The following MS4A4E variants were observed in gnomAD, a reference collection of about 807,000 sequenced individuals.
The protein encoded by MS4A4E is membrane spanning 4-domains A4E.
A neutral mutation model predicts 13.3 loss-of-function variants in MS4A4E; 23 were observed. The ratio of observed to expected loss-of-function variants is 1.73; its 90% CI spans 1.25 to 2.45. The LOEUF is 2.45. MS4A4E is among the 30% of genes most tolerant of loss of function. The pLI is 0.00. For synonymous variants in MS4A4E, 36 were observed against 45.6 expected (o/e 0.79, Z 0.85); for missense variants, 144 against 131.2 (o/e 1.10, Z -0.48).
At chr11:60,242,090 CA>C (rs2084559513) in intron 1 of MS4A4E, among the ~76,000 whole-genome samples, 3 of 152,084 alleles carry the variant, frequency 2.0e-5, no homozygotes. Context: ...ACTAGAAACC[CA>C]AAATGAGGCC....
At chr11:60,238,175 A>G (rs2134974935) in intron 1 of MS4A4E, among the ~76,000 whole-genome samples, 1 of 152,016 alleles carries the variant, frequency 6.6e-6, no homozygotes, top group South Asian at 2.1e-4. Flanking sequence ...TGGTGTCAAA[A>G]TAATACTAGC....
At chr11:60,222,288 A>T (rs2084279329) in intron 3 of MS4A4E, among the ~76,000 whole-genome samples, 1 of 152,230 alleles carries the variant, frequency 6.6e-6, no homozygotes, top group Non-Finnish European at 1.5e-5. Context: ...AACCACTGTC[A>T]TGGTATCCCA....
intron 2 of MS4A4E, 98 bp from the exon 3 acceptor site, chr11:60,228,725 T>C: frequency 1.6e-6 from 1 of 629,870 alleles, no homozygotes; most frequent in Non-Finnish European, 2.8e-6. Context: ...TAAACTGTGG[T>C]ACCTCTAGAC....
intron 3 of MS4A4E, among the ~76,000 whole-genome samples, chr11:60,223,009 G>C (rs2134949871): frequency 6.6e-6 from 1 of 151,996 alleles, no homozygotes; most frequent in Non-Finnish European, 1.5e-5. Context: ...AAATGGCCCA[G>C]ACTAGGCCTT....
intron 1 of MS4A4E, among the ~76,000 whole-genome samples, chr11:60,235,867 C>G (rs939985884): frequency 6.6e-6 from 1 of 152,098 alleles, no homozygotes; most frequent in Admixed American, 6.5e-5. Flanking sequence ...ATATAGGTCT[C>G]AATATACCTA....
chr11:60,242,815 A>G (rs2084567281), intron 1 of MS4A4E, 143 bp downstream of exon 1: 1 of 517,878 alleles, frequency 1.9e-6, no homozygotes, highest in Non-Finnish European at 3.4e-6. Context: ...TGTGCACTCA[A>G]TCCACCCCAA....
chr11:60,224,839 A>C, intron 3 of MS4A4E: 1 of 776,928 alleles, frequency 1.3e-6, no homozygotes, highest in Non-Finnish European at 1.8e-6. Flanking sequence ...ATTGAGTTTA[A>C]AAAGGTTAGA....
chr11:60,211,068 G>A (rs1590707346), intron 5 of MS4A4E, among the ~76,000 whole-genome samples: 1 of 152,284 alleles, frequency 6.6e-6, no homozygotes, highest in Admixed American at 6.5e-5. Context: ...TATGAACCTG[G>A]CCAATTCCAG....
rs1306216297 is a variant in MS4A4E at position 60,206,474 on chromosome 11, C to CATAT, written c.484-658_484-655dup. Among the ~76,000 whole-genome samples, 105 of 82,476 alleles carry CATAT rather than the reference C, an allele frequency of 1.3e-3. 7 individuals are homozygous for CATAT. The highest frequency in any genetic ancestry group is 6.1e-3 in the African/African-American group (102 of 16,728). The allele number at this position is 82,476 out of a possible 152,430, so 54.1% of individuals were successfully genotyped here. On this transcript the variant is annotated intron_variant, in intron 6 of 8. Coordinates refer to ENST00000651255, the MANE Select transcript of MS4A4E (RefSeq NM_001393391.1). ...AATTTTGAATATATACACACACACA[C>CATAT]ATATATATATATATGTATATATATA...
intron 3 of MS4A4E, among the ~76,000 whole-genome samples, 189 bp from the exon 4 acceptor site, chr11:60,214,803 G>C (rs923288255): frequency 6.6e-6 from 1 of 152,078 alleles, no homozygotes; most frequent in African/African-American, 2.4e-5. Flanking sequence ...AATTCTGCCA[G>C]ATGAGTCCAC....
chr11:60,230,340 T>G (rs913510556), intron 1 of MS4A4E, among the ~76,000 whole-genome samples: 2 of 152,174 alleles, frequency 1.3e-5, no homozygotes, highest in Non-Finnish European at 2.9e-5. Context: ...GAGAAATTTC[T>G]TCAACTTCAA....
In MS4A4E at chr11:60,200,705, A is replaced by C. The variant is rs1029531114; in HGVS notation, c.*838T>G. ...ATGTCTACTTCTTTCCACACAGACA[A>C]GGCAACCATCCGATTTCTCAATCTT... On this transcript the variant is annotated 3_prime_UTR_variant, in exon 9 of 9. Coordinates refer to ENST00000651255, the MANE Select transcript of MS4A4E (RefSeq NM_001393391.1). 5.2e-3 allele frequency among the ~76,000 whole-genome samples: 795 copies of C among 152,310 alleles called. 3 individuals are homozygous for C. The highest frequency in any genetic ancestry group is 7.8e-3 in the Non-Finnish European group (529 of 68,014).
At chr11:60,204,322 G>T (rs670139) in intron 8 of MS4A4E, among the ~76,000 whole-genome samples, 63,531 of 151,940 alleles carry the variant, frequency 0.42, 13,664 homozygotes, top group Admixed American at 0.42. Flanking sequence ...CCCAACTTGA[G>T]GTAAACTTTG....
chr11:60,239,281 G>T (rs650926), intron 1 of MS4A4E, among the ~76,000 whole-genome samples: 2,815 of 152,304 alleles, frequency 0.018, 91 homozygotes, highest in African/African-American at 0.064. Context: ...AAATAGCACA[G>T]GTAAACATTT....
In MS4A4E at chr11:60,243,062, A is replaced by C; in HGVS notation, c.-121T>G. The C allele has an allele frequency of 9.6e-7, 1 of 1,037,272 alleles. No individual in the cohort carries two copies. The highest frequency in any genetic ancestry group is 1.4e-6 in the Non-Finnish European group (1 of 700,970). The allele number at this position is 1,037,272 out of a possible 1,614,324, so 64.3% of individuals were successfully genotyped here. ...AGACACAGTCAGCTTCCCCCACTCC[A>C]CACCTCACTCAGTTTAAATCTGCAC... On this transcript the variant is annotated 5_prime_UTR_variant, in exon 1 of 9. Coordinates refer to ENST00000651255, the MANE Select transcript of MS4A4E (RefSeq NM_001393391.1).
At chr11:60,220,911 C>A (rs983514385) in intron 3 of MS4A4E, among the ~76,000 whole-genome samples, 3 of 152,154 alleles carry the variant, frequency 2.0e-5, no homozygotes, top group Non-Finnish European at 2.9e-5. Flanking sequence ...TGAGTGGGGT[C>A]CAGGACAGGA....
At chr11:60,237,028 G>A (rs771183199) in intron 1 of MS4A4E, among the ~76,000 whole-genome samples, 16 of 152,132 alleles carry the variant, frequency 1.1e-4, no homozygotes, top group South Asian at 6.2e-4. Context: ...GAGCCACTGC[G>A]CCCAACCATA....
intron 3 of MS4A4E, among the ~76,000 whole-genome samples, chr11:60,225,389 C>G (rs2084328509): frequency 1.3e-5 from 2 of 152,136 alleles, no homozygotes; most frequent in South Asian, 4.1e-4. Flanking sequence ...CTGTTTCTCT[C>G]TTTTGTCACA....
At chr11:60,213,837 G>A (rs2084156124) in intron 4 of MS4A4E, among the ~76,000 whole-genome samples, 1 of 151,864 alleles carries the variant, frequency 6.6e-6, no homozygotes, top group Non-Finnish European at 1.5e-5. Flanking sequence ...TGCTTCTTAT[G>A]TAATAATTTT....
Sources: gnomAD v4.1 joint callset for allele counts (sites outside exome capture counted in the v4.1 genomes callset) on GRCh38, gnomAD v4.1.1 for gene constraint, MANE v1.5 for transcripts, NCBI Gene and HGNC (gene_info 2026-07-23, HGNC 2026-07-21) for gene names.